Variants in DMD observed in about 807,000 individuals in gnomAD.
DMD encodes the protein dystrophin, also known as mutant dystrophin.
In DMD, 63 loss-of-function variants were observed where a neutral mutation model predicts 330.1. The ratio of observed to expected loss-of-function variants is 0.19; its 90% CI spans 0.16 to 0.24. The LOEUF (loss-of-function observed/expected upper bound fraction) is 0.24. Ranked by LOEUF, DMD falls within the 10% of genes least tolerant of loss-of-function variation. The pLI, the probability that DMD is intolerant of heterozygous loss-of-function variation, is 1.00. For synonymous variants in DMD, 1,223 were observed against 959.8 expected (o/e 1.27, Z -5.07); for missense variants, 3,344 against 2,684.1 (o/e 1.25, Z -5.43).
intron 44 of DMD, among the ~76,000 whole-genome samples, chrX:32,179,162 T>TACAG (rs1360954684): frequency 4.5e-5 from 5 of 111,374 alleles, no homozygotes; most frequent in African/African-American, 1.6e-4. Flanking sequence ...GCGCTACATC[T>TACAG]ACAGAACACC....
intron 1 of DMD, among the ~76,000 whole-genome samples, chrX:33,050,560 A>T: frequency 8.9e-6 from 1 of 111,874 alleles, no homozygotes; most frequent in South Asian, 3.7e-4. Context: ...TCAACCAATC[A>T]ATCTCTAGCC....
intron 6 of DMD, among the ~76,000 whole-genome samples, chrX:32,815,377 A>G (rs1190026680): frequency 9.4e-6 from 1 of 106,750 alleles, no homozygotes; most frequent in East Asian, 2.9e-4. Context: ...GTCCAGTGAC[A>G]TTTTAAACAG....
intron 41 of DMD, among the ~76,000 whole-genome samples, chrX:32,312,527 A>G (rs1317798197): frequency 9.0e-6 from 1 of 111,062 alleles, no homozygotes; most frequent in African/African-American, 3.3e-5. Context: ...TTTGTCTGCT[A>G]ACTTGTATTT....
At chrX:32,938,409 T>G (rs2090164113) in intron 2 of DMD, among the ~76,000 whole-genome samples, 2 of 111,477 alleles carry the variant, frequency 1.8e-5, no homozygotes, top group Non-Finnish European at 1.9e-5. Context: ...TGTAGAGCTT[T>G]TAGAAATGCT....
chrX:33,227,029 C>G (rs2052305108), intron 1 of DMD, among the ~76,000 whole-genome samples: 2 of 109,460 alleles, frequency 1.8e-5, no homozygotes, highest in South Asian at 7.8e-4. Context: ...AAAGAATTAT[C>G]TAATTCAGGA....
chrX:32,523,456 T>G (rs2148835121), intron 17 of DMD, among the ~76,000 whole-genome samples: 1 of 112,360 alleles, frequency 8.9e-6, no homozygotes, highest in Non-Finnish European at 1.9e-5. Flanking sequence ...TTCTCTGACA[T>G]ACTTTTGTTT....
At chrX:31,197,770 A>T (rs1021638504) in intron 67 of DMD, among the ~76,000 whole-genome samples, 5 of 111,802 alleles carry the variant, frequency 4.5e-5, no homozygotes, top group South Asian at 7.5e-4. Context: ...TCGAAACCAC[A>T]AAAAGATATC....
intron 44 of DMD, among the ~76,000 whole-genome samples, chrX:32,110,116 C>T (rs764069462): frequency 1.8e-5 from 2 of 111,983 alleles, no homozygotes; most frequent in Non-Finnish European, 3.8e-5. Context: ...AGTCAAATTT[C>T]ATTTGTTCTT....
intron 30 of DMD, among the ~76,000 whole-genome samples, chrX:32,407,214 G>C (rs1022338342): frequency 1.8e-5 from 2 of 109,610 alleles, no homozygotes. Context: ...GAAGATTTTC[G>C]CAACCTACTC....
At chrX:31,412,206 AAG>A (rs1556626056) in intron 60 of DMD, among the ~76,000 whole-genome samples, 1,257 of 94,106 alleles carry the variant, frequency 0.013, 25 homozygotes, top group African/African-American at 0.052. Flanking sequence ...AAAAAAAAAA[AAG>A]AGAGAGAGAG....
At chrX:32,825,968 T>TTA (rs1557060490) in intron 4 of DMD, among the ~76,000 whole-genome samples, 8 of 109,094 alleles carry the variant, frequency 7.3e-5, no homozygotes, top group Non-Finnish European at 1.3e-4. Context: ...GAAATATACT[T>TTA]AAAGCCACTG....
chrX:32,872,255 A>G (rs1201328360), intron 2 of DMD, among the ~76,000 whole-genome samples: 2 of 111,639 alleles, frequency 1.8e-5, no homozygotes, highest in Non-Finnish European at 3.8e-5. Flanking sequence ...CTCTGACCTC[A>G]CAGCTTTTTG....
intron 60 of DMD, among the ~76,000 whole-genome samples, chrX:31,421,930 TATACAC>T (rs1268979976): frequency 4.7e-4 from 37 of 79,385 alleles, no homozygotes; most frequent in African/African-American, 2.4e-3. Context: ...TATATATATA[TATACAC>T]ACACACATAT....
In DMD at chrX:31,289,277, AT is replaced by A. The variant is rs201780489; in HGVS notation, c.9225-28262del. On this transcript the variant is annotated intron_variant, in intron 62 of 78. Coordinates refer to ENST00000357033, the MANE Select transcript of DMD (RefSeq NM_004006.3). Reference sequence around the variant, plus strand: ...AAAAAAAAAAAAAATAAAAAATAAAATAAAATCCATCTCAAAAAAAAAAAAA... The same window carrying A: ...AAAAAAAAAAAAAATAAAAAATAAAAAAAATCCATCTCAAAAAAAAAAAAA... Among the ~76,000 whole-genome samples the A allele has an allele frequency of 3.9e-3, 304 of 77,300 alleles. 44 individuals carry two copies. Among genetic ancestry groups the A allele is most frequent in the African/African-American group, 0.017 (264 of 15,837 alleles). 67.1% of individuals were successfully genotyped at this position (77,300 alleles called of 115,157 possible).
At chrX:31,445,864 G>A (rs763281846) in intron 59 of DMD, among the ~76,000 whole-genome samples, 2 of 112,112 alleles carry the variant, frequency 1.8e-5, no homozygotes, top group East Asian at 5.6e-4. Flanking sequence ...GATGCATGAT[G>A]TCCAAATGTT....
intron 44 of DMD, among the ~76,000 whole-genome samples, chrX:32,126,059 G>A (rs886867727): frequency 1.8e-5 from 2 of 112,068 alleles, no homozygotes; most frequent in African/African-American, 6.5e-5. Context: ...TGTTAGCAAA[G>A]TGATGGGTTC....
intron 44 of DMD, among the ~76,000 whole-genome samples, chrX:32,177,341 C>T (rs148059825): frequency 4.5e-5 from 5 of 111,843 alleles, no homozygotes; most frequent in Admixed American, 1.9e-4. Flanking sequence ...CAACAGGACC[C>T]GAAGGACCCT....
chrX:32,518,127 C>A lies in DMD; in HGVS notation c.2173G>T (p.Asp725Tyr), dbSNP rs398123879. ...CTGTGAAGTTCAGTTATATCAACAT[C>A]CAACCTAAGACAGCAAAAAATAAAA... ...TVDSEIRKRL[D>Y]VDITELHSWI... The change falls in exon 18 of 79, where the codon GAT becomes TAT. Residue 725 changes from aspartate (D) to tyrosine (Y), a missense_variant. Asp to Tyr is a radical substitution (Grantham distance 160). Coordinates refer to ENST00000357033, the MANE Select transcript of DMD (RefSeq NM_004006.3). 1.4e-4 allele frequency: 174 copies of A among 1,207,173 alleles called. 1 individual carries two copies. The South Asian group carries it at 2.9e-3, about 20-fold the overall frequency.
chrX:32,841,477 T>C (rs1482335736), intron 4 of DMD, among the ~76,000 whole-genome samples: 1 of 111,945 alleles, frequency 8.9e-6, no homozygotes, highest in African/African-American at 3.2e-5. Flanking sequence ...TTACTCCACA[T>C]TACATGATAT....
Sources: gnomAD v4.1 joint callset for allele counts (sites outside exome capture counted in the v4.1 genomes callset) on GRCh38, gnomAD v4.1.1 for gene constraint, MANE v1.5 for transcripts, NCBI Gene and HGNC (gene_info 2026-07-23, HGNC 2026-07-21) for gene names.